The following DCLK1 variants were observed in gnomAD, a reference collection of about 807,000 sequenced individuals.
DCLK1 encodes the protein serine/threonine-protein kinase DCLK1.
In DCLK1, 16 loss-of-function variants were observed where a neutral mutation model predicts 86.2. The ratio of observed to expected loss-of-function variants is 0.19; its 90% CI spans 0.13 to 0.28. The LOEUF is 0.28. DCLK1 is among the 10% of genes least tolerant of loss of function. DCLK1 has a pLI of 1.00. For synonymous variants in DCLK1, 369 were observed against 370.5 expected (o/e 1.00, Z 0.05); for missense variants, 590 against 940.2 (o/e 0.63, Z 4.87).
At chr13:36,045,302 A>T (rs1882842643) in intron 3 of DCLK1, among the ~76,000 whole-genome samples, 1 of 135,426 alleles carries the variant, frequency 7.4e-6, no homozygotes, top group Admixed American at 7.9e-5. Context: ...ATCGTCTAAT[A>T]TATATATGTC....
chr13:36,044,870 G>A (rs1311315342), intron 3 of DCLK1, among the ~76,000 whole-genome samples: 1 of 152,026 alleles, frequency 6.6e-6, no homozygotes, highest in Non-Finnish European at 1.5e-5. Flanking sequence ...ATATTTTTGA[G>A]AAAATGGAAG....
chr13:36,013,240 T>C (rs1397260272), intron 3 of DCLK1, among the ~76,000 whole-genome samples: 1 of 152,026 alleles, frequency 6.6e-6, no homozygotes, highest in Non-Finnish European at 1.5e-5. Flanking sequence ...TCAAAATCAT[T>C]CTCCATCCAG....
At chr13:35,808,412 C>A (rs969704421) in intron 13 of DCLK1, 92 bp from the exon 14 acceptor site, 4 of 1,027,546 alleles carry the variant, frequency 3.9e-6, no homozygotes, top group African/African-American at 1.6e-5. Context: ...CCCTTCCTTT[C>A]CCCCCATAAA....
chr13:35,964,492 A>T (rs1376723201), intron 3 of DCLK1, among the ~76,000 whole-genome samples: 1 of 152,224 alleles, frequency 6.6e-6, no homozygotes, highest in East Asian at 1.9e-4. Context: ...GCTACCTAAA[A>T]TTCTGCCTTC....
At position 35,836,661 on chromosome 13, in the gene DCLK1, C is replaced by T. The variant is rs140140701; in HGVS notation, c.1121-520G>A. On this transcript the variant is annotated intron_variant, in intron 7 of 16. Transcript: ENST00000360631. ...TCATGAACTAAGCACTGATGGCCAC[C>T]CGTCCTCGGTATCAACGAGCAGACT... Among the ~76,000 whole-genome samples the T allele has an allele frequency of 5.5e-3, 833 of 152,274 alleles. 32 individuals carry two copies. Among genetic ancestry groups the T allele is most frequent in the Admixed American group, 0.048 (732 of 15,290 alleles).
chr13:35,785,008 C>T (rs2086594959), intron 16 of DCLK1, among the ~76,000 whole-genome samples: 1 of 152,190 alleles, frequency 6.6e-6, no homozygotes, highest in Non-Finnish European at 1.5e-5. Context: ...TGCCTCATTA[C>T]TCACTGTTTC....
chr13:36,060,505 A>G (rs1179581364), intron 3 of DCLK1, among the ~76,000 whole-genome samples: 3 of 152,152 alleles, frequency 2.0e-5, no homozygotes, highest in African/African-American at 7.2e-5. Flanking sequence ...GACATTCCGT[A>G]TTATACTTGA....
In DCLK1 at chr13:35,805,768, G is replaced by C; in HGVS notation, c.1875C>G (p.Thr625=). 1 of 1,613,554 alleles carries C rather than the reference G, an allele frequency of 6.2e-7. No individual in the cohort carries two copies. Among genetic ancestry groups the C allele is most frequent in the Non-Finnish European group, 8.5e-7 (1 of 1,179,774 alleles). ...GATCTACATCGACCAACAGCATCAT[G>C]GTAATGAGCTCCTGTGAAGGGGAAC... The part of the protein sequence containing the change: ...NVSDSAKELI[T]MMLLVDVDQR... The change falls in exon 15 of 17, where the codon ACC becomes ACG. Residue 625 remains threonine (T), a synonymous_variant. Transcript: ENST00000360631.
In DCLK1 at chr13:36,056,161, G is replaced by T. The variant is rs1883300035; in HGVS notation, c.723+55708C>A. ...AAATCATGCTGCTATAAAGACACATGCACACGTATGTTTATTGCGGCATTA... is the reference window on the plus strand; with the variant it reads ...AAATCATGCTGCTATAAAGACACATTCACACGTATGTTTATTGCGGCATTA... On this transcript the variant is annotated intron_variant, in intron 3 of 16. Coordinates refer to ENST00000360631, the MANE Select transcript of DCLK1 (RefSeq NM_001330071.2). 3.1e-5 allele frequency among the ~76,000 whole-genome samples: 4 copies of T among 127,860 alleles called. 1 individual carries two copies. The highest frequency in any genetic ancestry group is 6.5e-5 in the Non-Finnish European group (4 of 61,480). The allele number at this position is 127,860 out of a possible 152,430, so 83.9% of individuals were successfully genotyped here. A position where few individuals can be genotyped will look rare whatever the true frequency, so the allele number is the denominator to read the frequency against.
intron 3 of DCLK1, among the ~76,000 whole-genome samples, chr13:36,005,101 T>C (rs1880893617): frequency 6.6e-6 from 1 of 152,162 alleles, no homozygotes; most frequent in South Asian, 2.1e-4. Context: ...ATTTTTGCCA[T>C]TAAAAAAACT....
At chr13:35,893,582 A>T (rs2153120011) in intron 4 of DCLK1, among the ~76,000 whole-genome samples, 1 of 152,342 alleles carries the variant, frequency 6.6e-6, no homozygotes, top group South Asian at 2.1e-4. Context: ...GTGACAGGTC[A>T]CAGTCAAAAT....
At chr13:35,838,339 A>T (rs1869544923) in intron 7 of DCLK1, among the ~76,000 whole-genome samples, 1 of 152,234 alleles carries the variant, frequency 6.6e-6, no homozygotes, top group Admixed American at 6.5e-5. Context: ...ATATCATTTA[A>T]AACAAGTAAG....
chr13:35,987,710 A>C (rs1226803316), intron 3 of DCLK1, among the ~76,000 whole-genome samples: 1 of 152,080 alleles, frequency 6.6e-6, no homozygotes, highest in Non-Finnish European at 1.5e-5. Flanking sequence ...AAGACACCTA[A>C]CCCGCCCTGA....
Position 35,810,746 on chromosome 13 carries a change from G to C in DCLK1, c.1688+89C>G, listed in dbSNP as rs1027807604. 21 of 1,465,708 alleles carry C rather than the reference G, an allele frequency of 1.4e-5. No individual in the cohort carries two copies. In the Admixed American group the frequency reaches 4.5e-4, roughly 31 times the overall value. The allele number at this position is 1,465,708 out of a possible 1,614,324, so 90.8% of individuals were successfully genotyped here. On this transcript the variant is annotated intron_variant, in intron 12 of 16. Transcript: ENST00000360631. ...GAAACCTGATAGCTAATTATGTCTGGATAGGGCACAGCAGTACTATTTTTC... is the reference window on the plus strand; with the variant it reads ...GAAACCTGATAGCTAATTATGTCTGCATAGGGCACAGCAGTACTATTTTTC...
intron 3 of DCLK1, among the ~76,000 whole-genome samples, chr13:36,050,280 A>T (rs1203429351): frequency 6.6e-6 from 1 of 152,184 alleles, no homozygotes; most frequent in African/African-American, 2.4e-5. Context: ...TTCTTAGTCA[A>T]CCTCAAATAT....
chr13:35,838,401 A>G (rs897612258), intron 7 of DCLK1, among the ~76,000 whole-genome samples: 7 of 152,188 alleles, frequency 4.6e-5, no homozygotes, highest in African/African-American at 1.2e-4. Flanking sequence ...ATCTTTTCCA[A>G]ATACTTCCCC....
rs189042410 is a variant in DCLK1 at position 35,781,323 on chromosome 13, C to T, written c.2059-6624G>A. Among the ~76,000 whole-genome samples, 38 of 152,344 alleles carry T rather than the reference C, an allele frequency of 2.5e-4. No homozygotes were observed. The East Asian group carries it at 5.0e-3, about 20-fold the overall frequency. Reference sequence around the variant, plus strand: ...TGACCTTGGACATGTTTTCTAACCACATCGAGCCCCAATTTCCAGGTCCAT... The same window carrying T: ...TGACCTTGGACATGTTTTCTAACCATATCGAGCCCCAATTTCCAGGTCCAT... On this transcript the variant is annotated intron_variant, in intron 16 of 16. Transcript: ENST00000360631.
At chr13:35,802,917 T>C (rs2086950814) in intron 15 of DCLK1, among the ~76,000 whole-genome samples, 1 of 152,174 alleles carries the variant, frequency 6.6e-6, no homozygotes, top group African/African-American at 2.4e-5. Context: ...CTTGTGCCTC[T>C]TCCTCCCCGC....
chr13:35,794,298 G>A (rs138516138), intron 15 of DCLK1, among the ~76,000 whole-genome samples: 57 of 152,214 alleles, frequency 3.7e-4, no homozygotes, highest in African/African-American at 1.4e-3. Context: ...TAGTGCCTTG[G>A]CACATATTAG....
Sources: allele counts gnomAD v4.1 joint callset (sites outside exome capture counted in the v4.1 genomes callset), GRCh38; gene constraint gnomAD v4.1.1; transcripts MANE v1.5; gene names NCBI Gene and HGNC (gene_info 2026-07-23, HGNC 2026-07-21).